The following PKHD1L1 variants were observed in gnomAD, a reference collection of about 807,000 sequenced individuals.
The protein encoded by PKHD1L1 is PKHD1 like 1, also known as fibrocystin-L.
PKHD1L1 carries 434 observed loss-of-function variants against 462.9 expected under a neutral mutation model. That is an observed-to-expected ratio of 0.94 (90% CI 0.87 to 1.02). PKHD1L1 has a LOEUF of 1.02. Ranked by LOEUF, PKHD1L1 falls within the 50% of genes least tolerant of loss-of-function variation. PKHD1L1 has a pLI of 0.00. For missense variants in PKHD1L1, 5,202 were observed against 5,096.1 expected (o/e 1.02, Z -0.63); for synonymous variants, 1,781 against 1,750.0 (o/e 1.02, Z -0.44).
rs1160196780 is a variant in PKHD1L1 at position 109,442,189 on chromosome 8, A to G, written c.4387A>G (p.Thr1463Ala). The G allele has an allele frequency of 1.1e-5, 17 of 1,609,428 alleles. No individual in the cohort carries two copies. Among genetic ancestry groups the G allele is most frequent in the African/African-American group, 4.0e-5 (3 of 74,744 alleles). The part of the protein sequence containing the change: ...KGFTSGRQKS[T>A]SGSFSYQFTS... ...ATTCACAAGTGGAAGACAAAAATCT[A>G]CATCAGGTATGTTTCTGCTTATTGG... Residue 1463 changes from threonine to alanine, a missense_variant, in exon 35 of 78, where the codon ACA becomes GCA. This residue lies in a region of PKHD1L1 where 4,497 missense variants were observed against 4,336.8 expected (regional missense o/e 1.04). Coordinates refer to ENST00000378402, the MANE Select transcript of PKHD1L1 (RefSeq NM_177531.6).
At chr8:109,365,817 T>C (rs1029689618) in intron 2 of PKHD1L1, among the ~76,000 whole-genome samples, 3 of 152,058 alleles carry the variant, frequency 2.0e-5, no homozygotes, top group Non-Finnish European at 2.9e-5. Context: ...CTACTAAAAA[T>C]GCAAAAATTA....
intron 2 of PKHD1L1, among the ~76,000 whole-genome samples, chr8:109,377,431 A>T (rs1811894482): frequency 6.6e-6 from 1 of 152,192 alleles, no homozygotes. Context: ...CTGAAATTTA[A>T]ATAGCTTATA....
Position 109,459,772 on chromosome 8 carries a change from A to AT in PKHD1L1, c.7182_7183insT (p.Arg2395Ter). 1 of 1,611,534 alleles carries AT rather than the reference A, an allele frequency of 6.2e-7. No individual in the cohort carries two copies. The highest frequency in any genetic ancestry group is 1.1e-5 in the South Asian group (1 of 90,722). ...GAATTCTTACAAGAAATATTTTAAT[A>AT]AGAGGATCTGATAATGTTGAGTGGA... On this transcript the variant is annotated frameshift_variant, in exon 47 of 78. Transcript: ENST00000378402. LOFTEE classifies it high-confidence loss of function.
At position 109,459,626 on chromosome 8, in the gene PKHD1L1, A is replaced by T; in HGVS notation, c.7036A>T (p.Ile2346Phe). 6.3e-7 allele frequency: 1 copy of T among 1,580,796 alleles called. No homozygotes were observed. ...HSQGENEKMT[I>F]ASVSADGINI... ...TCAAGGAGAGAATGAAAAAATGACC[A>T]TTGCATCTGTGTCTGCTGATGGCAT... is the stretch of plus-strand genomic sequence containing the variant. The change falls in exon 47 of 78, where the codon ATT (isoleucine) becomes TTT (phenylalanine). Residue 2346 changes from isoleucine to phenylalanine, a missense_variant. Physicochemically the swap from Ile to Phe is conservative, Grantham distance 21 (BLOSUM62 0). Around this residue, in one of 3 missense-constraint regions of PKHD1L1, gnomAD observed 4,497 missense variants for 4,336.8 expected, o/e 1.04. Transcript: ENST00000378402.
intron 76 of PKHD1L1, among the ~76,000 whole-genome samples, chr8:109,526,267 G>A (rs537720520): frequency 2.0e-5 from 3 of 152,262 alleles, no homozygotes; most frequent in African/African-American, 7.2e-5. Context: ...TGTGAAACAT[G>A]GTAAAAGTTT....
chr8:109,482,952 G>A lies in PKHD1L1; in HGVS notation c.9458-35G>A, dbSNP rs73704029. On this transcript the variant is annotated intron_variant, in intron 56 of 77. Coordinates refer to ENST00000378402, the MANE Select transcript of PKHD1L1 (RefSeq NM_177531.6). The stretch of plus-strand genomic sequence containing the variant: ...TACTAGCACCTAACTCAGTACTGTG[G>A]GGTGAATAAGTAGGAGTGTGCTTTT... 7.8e-5 allele frequency: 106 copies of A among 1,360,100 alleles called. No individual in the cohort carries two copies. In the African/African-American group the frequency reaches 1.4e-3, roughly 17 times the overall value. 84.3% of individuals were successfully genotyped at this position (1,360,100 alleles called of 1,614,324 possible). A position where few individuals can be genotyped will look rare whatever the true frequency, so the allele number is the denominator to read the frequency against.
chr8:109,383,480 C>T (rs1248058218), intron 4 of PKHD1L1, among the ~76,000 whole-genome samples: 4 of 124,510 alleles, frequency 3.2e-5, no homozygotes, highest in African/African-American at 3.1e-5. Context: ...ATATATAAAA[C>T]TATTTTTATA....
At chr8:109,371,622 G>T (rs528787017) in intron 2 of PKHD1L1, among the ~76,000 whole-genome samples, 2 of 135,982 alleles carry the variant, frequency 1.5e-5, no homozygotes, top group Non-Finnish European at 3.2e-5. Flanking sequence ...TTCTTCTAGG[G>T]TTTTTATGGT....
rs185340733 is a variant in PKHD1L1, at chr8:109,492,300, C to T, written c.10236+306C>T. Among the ~76,000 whole-genome samples the T allele has an allele frequency of 2.0e-5, 3 of 151,794 alleles. No individual in the cohort carries two copies. The South Asian group carries it at 6.2e-4, about 31-fold the overall frequency. ...TTTCCTCCCTAAAAATGAAAATAGA[C>T]AATGGAATCTCTAAAATTATTTTCT... On this transcript the variant is annotated intron_variant, in intron 62 of 77. Transcript: ENST00000378402.
rs1453564070 is a variant in PKHD1L1, at chr8:109,535,797, T to C, written c.*5707T>C. ...ACTAAGTTAGCAGATCATTTTGATA[T>C]CCAGATGTGCTGAAATGATGGACAC... On this transcript the variant is annotated 3_prime_UTR_variant, in exon 78 of 78. Coordinates refer to ENST00000378402, the MANE Select transcript of PKHD1L1 (RefSeq NM_177531.6). Among the ~76,000 whole-genome samples the C allele has an allele frequency of 6.6e-6, 1 of 152,172 alleles. No homozygotes were observed. Among genetic ancestry groups the C allele is most frequent in the African/African-American group, 2.4e-5 (1 of 41,422 alleles).
In PKHD1L1 at chr8:109,406,401, A is replaced by G; in HGVS notation, c.1736A>G (p.Lys579Arg). The change falls in exon 17 of 78, where the codon AAA becomes AGA. Residue 579 changes from lysine to arginine, a missense_variant. Lys to Arg is a conservative substitution (Grantham distance 26). Coordinates refer to ENST00000378402, the MANE Select transcript of PKHD1L1 (RefSeq NM_177531.6). Reference protein sequence around the residue: ...QSALNDLWSIKPDTVQVIRTQ... With the variant: ...QSALNDLWSIRPDTVQVIRTQ... The stretch of plus-strand genomic sequence containing the variant: ...GCCTTGAATGACCTCTGGTCTATAA[A>G]ACCGGACACAGTTCAAGTAATAAGA... The G allele has an allele frequency of 6.3e-7, 1 of 1,581,062 alleles. No homozygotes were observed. The highest frequency in any genetic ancestry group is 8.6e-7 in the Non-Finnish European group (1 of 1,162,372).
At chr8:109,477,545 C>A in intron 53 of PKHD1L1, 149 bp downstream of exon 53, 2 of 741,304 alleles carry the variant, frequency 2.7e-6, no homozygotes, top group East Asian at 3.3e-5. Context: ...TTTGCTTGAG[C>A]CTTACAAAAA....
In PKHD1L1 at chr8:109,490,178, T is replaced by C. The variant is rs576124098; in HGVS notation, c.9984+123T>C. 3.2e-4 allele frequency: 199 copies of C among 623,270 alleles called. No individual in the cohort carries two copies. The African/African-American group carries it at 3.3e-3, about 10-fold the overall frequency. The allele number at this position is 623,270 out of a possible 1,614,324, so 38.6% of individuals were successfully genotyped here. ...ATTATAATCTAATATAATAAAACTTTCTTGGCCCATTAACTTTTTAGACCT... is the reference window on the plus strand; with the variant it reads ...ATTATAATCTAATATAATAAAACTTCCTTGGCCCATTAACTTTTTAGACCT... On this transcript the variant is annotated intron_variant, in intron 60 of 77. Transcript: ENST00000378402.
chr8:109,382,627 C>A (rs1586395756), intron 4 of PKHD1L1, 56 bp downstream of exon 4: 1 of 1,415,380 alleles, frequency 7.1e-7, no homozygotes, highest in Non-Finnish European at 9.7e-7. Flanking sequence ...TTCTTTCCTG[C>A]AGAACTGAAT....
At chr8:109,522,995 CACGGCCCTTTCAGA>C in intron 75 of PKHD1L1, 105 bp downstream of exon 75, 1 of 1,243,352 alleles carries the variant, frequency 8.0e-7, no homozygotes, top group Non-Finnish European at 1.1e-6. Context: ...CTGAGGATCA[CACGGCCCTTTCAGA>C]AGTTGGACTA....
At chr8:109,517,488 A>G (rs1586657158) in intron 72 of PKHD1L1, among the ~76,000 whole-genome samples, 1 of 152,080 alleles carries the variant, frequency 6.6e-6, no homozygotes, top group East Asian at 1.9e-4. Flanking sequence ...TGGGTTTGTT[A>G]GCTCTTAGAA....
In PKHD1L1 at chr8:109,464,816, T is replaced by C. The variant is rs756896432; in HGVS notation, c.7984T>C (p.Trp2662Arg). The C allele has an allele frequency of 6.2e-7, 1 of 1,613,824 alleles. No homozygotes were observed. The highest frequency in any genetic ancestry group is 8.5e-7 in the Non-Finnish European group (1 of 1,179,782). Residue 2662 changes from tryptophan to arginine, a missense_variant, in exon 49 of 78, where the codon TGG becomes CGG. Coordinates refer to ENST00000378402, the MANE Select transcript of PKHD1L1 (RefSeq NM_177531.6). Reference protein sequence around the residue: ...TTWNCQKGAEWVNGGALQFHN... With the variant: ...TTWNCQKGAERVNGGALQFHN... The stretch of plus-strand genomic sequence containing the variant: ...TTGGAATTGTCAAAAAGGAGCTGAA[T>C]GGGTCAATGGAGGTGCCCTTCAGTT...
chr8:109,395,097 G>C (rs1812904036), intron 10 of PKHD1L1, among the ~76,000 whole-genome samples: 1 of 152,090 alleles, frequency 6.6e-6, no homozygotes, highest in Admixed American at 6.5e-5. Flanking sequence ...TCACTAGCCT[G>C]GGAAAAGATC....
chr8:109,384,345 C>A (rs1812321747), intron 5 of PKHD1L1, among the ~76,000 whole-genome samples: 1 of 151,898 alleles, frequency 6.6e-6, no homozygotes, highest in Non-Finnish European at 1.5e-5. Flanking sequence ...TTGAGACCAG[C>A]CTGGGCAACA....
Sources: allele counts gnomAD v4.1 joint callset (sites outside exome capture counted in the v4.1 genomes callset), GRCh38; gene constraint gnomAD v4.1.1; regional missense constraint gnomAD v4.1.1; transcripts MANE v1.5; gene names NCBI Gene and HGNC (gene_info 2026-07-23, HGNC 2026-07-21).